Variants in CD163L1 observed in about 807,000 individuals in gnomAD.
CD163L1 encodes the protein CD163 molecule like 1, also known as scavenger receptor cysteine-rich type 1 protein M160.
CD163L1 carries 124 observed loss-of-function variants against 165.4 expected under a neutral mutation model. That is an observed-to-expected ratio of 0.75 (90% confidence interval 0.65 to 0.87). CD163L1 has a LOEUF of 0.87. Ranked by LOEUF, CD163L1 falls within the 40% of genes least tolerant of loss-of-function variation. CD163L1 has a pLI of 0.00. For synonymous variants in CD163L1, 585 were observed against 662.2 expected (o/e 0.88, Z 1.79); for missense variants, 1,525 against 1,799.9 (o/e 0.85, Z 2.76).
chr12:7,435,284 ACT>A (rs1948700615), intron 2 of CD163L1, among the ~76,000 whole-genome samples: 1 of 151,916 alleles, frequency 6.6e-6, no homozygotes, highest in Non-Finnish European at 1.5e-5. Flanking sequence ...TTCAAAATAC[ACT>A]CTATAAAAAG....
chr12:7,428,479 A>G (rs1343916057), intron 4 of CD163L1, among the ~76,000 whole-genome samples: 1 of 152,048 alleles, frequency 6.6e-6, no homozygotes, highest in Non-Finnish European at 1.5e-5. Context: ...AAAGCCCTAG[A>G]AAAATCACCT....
At chr12:7,444,039 AT>A in intron 1 of CD163L1, 57 bp downstream of exon 1, 1 of 1,473,008 alleles carries the variant, frequency 6.8e-7, no homozygotes, top group Non-Finnish European at 9.5e-7. Flanking sequence ...TGTTACACAT[AT>A]TCTTAGTATA....
the CD163L1 span, among the ~76,000 whole-genome samples, chr12:7,332,602 A>C: frequency 6.6e-6 from 1 of 152,228 alleles, no homozygotes. Context: ...AAACTCTACA[A>C]ACCAGAAGAG....
intron 2 of CD163L1, among the ~76,000 whole-genome samples, chr12:7,436,116 AGGTG>A (rs769872514): frequency 5.9e-5 from 9 of 152,134 alleles, no homozygotes; most frequent in Non-Finnish European, 1.0e-4. Flanking sequence ...GTTGGAAGGT[AGGTG>A]GAAGAGAAGA....
chr12:7,423,105 G>A (rs1948469867), intron 4 of CD163L1, among the ~76,000 whole-genome samples: 1 of 152,004 alleles, frequency 6.6e-6, no homozygotes, highest in Middle Eastern at 3.2e-3. Context: ...AAATGCAAAA[G>A]AACAGAAATC....
intron 11 of CD163L1, 144 bp from the exon 12 acceptor site, chr12:7,375,067 T>C: frequency 2.3e-6 from 2 of 873,254 alleles, no homozygotes; most frequent in Non-Finnish European, 3.6e-6. Context: ...TTATTAATGA[T>C]GTCTACTCGT....
chr12:7,353,225 G>GA (rs781591933), downstream of CD163L1, among the ~76,000 whole-genome samples: 219 of 151,696 alleles, frequency 1.4e-3, no homozygotes, highest in East Asian at 5.6e-3. Context: ...TTCCAGAAGA[G>GA]AAAAAAATCG....
At chr12:7,402,206 T>C (rs1947926961) in intron 6 of CD163L1, among the ~76,000 whole-genome samples, 1 of 152,114 alleles carries the variant, frequency 6.6e-6, no homozygotes, top group South Asian at 2.1e-4. Flanking sequence ...CTAAATTTAC[T>C]GTACACATAT....
chr12:7,443,032 A>G (rs192613053), intron 1 of CD163L1, among the ~76,000 whole-genome samples: 1 of 152,358 alleles, frequency 6.6e-6, no homozygotes, highest in East Asian at 1.9e-4. Context: ...TACATGGCAG[A>G]CAGCATGTTG....
chr12:7,326,653 G>A, the CD163L1 span, among the ~76,000 whole-genome samples: 2 of 152,118 alleles, frequency 1.3e-5, no homozygotes, highest in African/African-American at 2.4e-5. Context: ...TGGAGTAAGT[G>A]GTCATCCATA....
Position 7,432,628 on chromosome 12 carries a change from T to C in CD163L1, c.554A>G (p.Asn185Ser). ...RWGTICDDGW[N>S]LNTAAVVCRQ... Reference sequence around the variant, plus strand: ...GCACACCACGGCAGCAGTATTCAAGTTCCACCCATCATCACATATAGTTCC... The same window carrying C: ...GCACACCACGGCAGCAGTATTCAAGCTCCACCCATCATCACATATAGTTCC... The change falls in exon 4 of 20, where the codon AAC (asparagine) becomes AGC (serine). Residue 185 changes from asparagine (N) to serine (S), a missense_variant. By Grantham distance (46) the Asn-to-Ser change is conservative. Transcript: ENST00000313599. The surrounding 1 kb of genome is among the most constrained non-coding windows in gnomAD (Gnocchi z 4.2). 6.2e-7 allele frequency: 1 copy of C among 1,614,184 alleles called. No individual in the cohort carries two copies. Among genetic ancestry groups the C allele is most frequent in the Non-Finnish European group, 8.5e-7 (1 of 1,180,032 alleles).
rs1478243128 is a variant in CD163L1 at position 7,360,270 on chromosome 12, G to GT, written c.4280-2785dup. Among the ~76,000 whole-genome samples the GT allele has an allele frequency of 2.0e-5, 3 of 151,948 alleles. No individual in the cohort carries two copies. In the South Asian group the frequency reaches 6.2e-4, roughly 32 times the overall value. ...CAATTCTCCTGCCTCAGCCTCCCAA[G>GT]TAAGTGGGATTACAGGTGCCCACTA... On this transcript the variant is annotated intron_variant, in intron 18 of 19. Transcript: ENST00000313599.
At chr12:7,367,395 C>T in intron 17 of CD163L1, 64 bp from the exon 18 acceptor site, 1 of 1,029,916 alleles carries the variant, frequency 9.7e-7, no homozygotes, top group Non-Finnish European at 1.5e-6. Context: ...TATTAGGACA[C>T]TTAATGCTAA....
rs1020619788 is a variant in CD163L1, at chr12:7,368,834, C to T, written c.4072+99G>A. ...ACCCACAGACTCATATTTCTGCAGT[C>T]CCCAGTCTTCTTTGATTATCATAGC... On this transcript the variant is annotated intron_variant, in intron 16 of 19. Transcript: ENST00000313599. The surrounding 1 kb of genome is among the most constrained non-coding windows in gnomAD (Gnocchi z 4.3). 2 of 1,328,598 alleles carry T rather than the reference C, an allele frequency of 1.5e-6. No homozygotes were observed. Among genetic ancestry groups the T allele is most frequent in the African/African-American group, 2.9e-5 (2 of 69,068 alleles). 82.3% of individuals were successfully genotyped at this position (1,328,598 alleles called of 1,614,324 possible). A position where few individuals can be genotyped will look rare whatever the true frequency, so the allele number is the denominator to read the frequency against.
Position 7,421,166 on chromosome 12 carries a change from T to C in CD163L1, c.766+11250A>G, listed in dbSNP as rs1421659564. ...ATATATGTGTATAAATGTATATATA[T>C]GTATATATGTATATATATGTGTATA... On this transcript the variant is annotated intron_variant, in intron 4 of 19. Coordinates refer to ENST00000313599, the MANE Select transcript of CD163L1 (RefSeq NM_174941.6). Among the ~76,000 whole-genome samples, 157 of 135,860 alleles carry C rather than the reference T, an allele frequency of 1.2e-3. 1 individual carries two copies. The Middle Eastern group carries it at 0.013, about 11-fold the overall frequency. The allele number at this position is 135,860 out of a possible 152,430, so 89.1% of individuals were successfully genotyped here. A position where few individuals can be genotyped will look rare whatever the true frequency, so the allele number is the denominator to read the frequency against.
the CD163L1 span, chr12:7,323,522 A>C: frequency 6.2e-7 from 1 of 1,613,894 alleles, no homozygotes; most frequent in Non-Finnish European, 8.5e-7. Context: ...CCTCAGACTC[A>C]AACCTACACG....
At position 7,379,247 on chromosome 12, in the gene CD163L1, C is replaced by G; in HGVS notation, c.2102G>C (p.Gly701Ala). The G allele has an allele frequency of 6.2e-7, 1 of 1,614,172 alleles. No individual in the cohort carries two copies. The highest frequency in any genetic ancestry group is 8.5e-7 in the Non-Finnish European group (1 of 1,180,008). ...ACCCTGGACATTCACCTCAACTTTT[C>G]CAGCACACCTGCTGCTTCCACCCAC... ...RLVGGSSRCA[G>A]KVEVNVQGAV... The change falls in exon 9 of 20, where the codon GGA becomes GCA. Residue 701 changes from glycine (G) to alanine (A), a missense_variant. Transcript: ENST00000313599.
chr12:7,335,187 A>T, the CD163L1 span, among the ~76,000 whole-genome samples: 2 of 152,334 alleles, frequency 1.3e-5, no homozygotes, highest in African/African-American at 4.8e-5. Context: ...TCACCAAGTC[A>T]ATCCTAAGCC....
intron 5 of CD163L1, among the ~76,000 whole-genome samples, chr12:7,404,454 T>C (rs1236611123): frequency 2.0e-5 from 3 of 152,204 alleles, no homozygotes; most frequent in Admixed American, 2.0e-4. Flanking sequence ...CAGTGGTAAT[T>C]TTTGAAGAAA....
Sources: gnomAD v4.1 joint callset for allele counts (sites outside exome capture counted in the v4.1 genomes callset) on GRCh38, gnomAD v4.1.1 for gene constraint, Gnocchi (gnomAD v3.1) non-coding constraint, MANE v1.5 for transcripts, NCBI Gene and HGNC (gene_info 2026-07-23, HGNC 2026-07-21) for gene names.